The following ATP1A3 variants were observed in gnomAD, a reference collection of about 807,000 sequenced individuals.
ATP1A3 encodes ATPase Na+/K+ transporting subunit alpha 3.
In ATP1A3, 12 loss-of-function variants were observed where a neutral mutation model predicts 108.8. The observed-to-expected ratio is 0.11, with a 90% CI of 0.07 to 0.18. ATP1A3 has a LOEUF of 0.18. Among genes scored for constraint, ATP1A3 ranks in the 10% least tolerant of loss-of-function variants. ATP1A3 has a pLI of 1.00. For missense variants in ATP1A3, 498 were observed against 1,387.7 expected (o/e 0.36, Z 10.19); for synonymous variants, 539 against 564.5 (o/e 0.95, Z 0.64).
At chr19:41,993,831 G>T in intron 1 of ATP1A3, 1 of 717,440 alleles carries the variant, frequency 1.4e-6, no homozygotes, top group Non-Finnish European at 2.3e-6. Flanking sequence ...AGATGCTGAG[G>T]GCTGGCCCAC....
rs1555865238 is a variant in ATP1A3, at chr19:41,985,872, C to T, written c.598G>A (p.Gly200Ser). ...PADLRIISAH[G>S]CKVDNSSLTG... Reference sequence around the variant, plus strand: ...CCTAGGCCCAGGCCCACCTTGCAGCCGTGGGCTGAGATGATCCGCAGGTCA... The same window carrying T: ...CCTAGGCCCAGGCCCACCTTGCAGCTGTGGGCTGAGATGATCCGCAGGTCA... The change falls in exon 6 of 23, where the codon GGC becomes AGC. Residue 200 changes from glycine to serine, a missense_variant. Coordinates refer to ENST00000648268, the MANE Select transcript of ATP1A3 (RefSeq NM_152296.5). This position sits in a 1 kb window ranked among gnomAD's most constrained non-coding sequence, Gnocchi z 8.2. 3.1e-6 allele frequency: 5 copies of T among 1,613,912 alleles called. No homozygotes were observed. Among genetic ancestry groups the T allele is most frequent in the Admixed American group, 3.3e-5 (2 of 59,998 alleles).
At chr19:41,971,439 A>G (rs1220366839) in intron 16 of ATP1A3, among the ~76,000 whole-genome samples, 1 of 152,200 alleles carries the variant, frequency 6.6e-6, no homozygotes, top group African/African-American at 2.4e-5. Flanking sequence ...TGCCCAGCGA[A>G]AAGCAAGTAC....
At chr19:41,989,059 C>T (rs1184494897) in intron 1 of ATP1A3, among the ~76,000 whole-genome samples, 1 of 152,110 alleles carries the variant, frequency 6.6e-6, no homozygotes, top group Non-Finnish European at 1.5e-5. Context: ...CCCGCCTCCG[C>T]CTCCTGTGTA....
Position 41,976,461 on chromosome 19 carries a change from T to C in ATP1A3, c.2049A>G (p.Thr683=), listed in dbSNP as rs781828729. 1 of 1,614,154 alleles carries C rather than the reference T, an allele frequency of 6.2e-7. No homozygotes were observed. The highest frequency in any genetic ancestry group is 8.5e-7 in the Non-Finnish European group (1 of 1,180,038). Reference sequence around the variant, plus strand: ...CAATGATGAGCTTCTGCTGGGGGGATGTGCGGGCGAAGACGATCTCGGTGT... The same window carrying C: ...CAATGATGAGCTTCTGCTGGGGGGACGTGCGGGCGAAGACGATCTCGGTGT... The part of the protein sequence containing the change: ...QNHTEIVFAR[T]SPQQKLIIVE... The change falls in exon 15 of 23, where the codon ACA becomes ACG. Residue 683 remains threonine (T), a synonymous_variant. Transcript: ENST00000648268.
At chr19:41,970,040 C>T (rs1033414224) in intron 18 of ATP1A3, 145 bp downstream of exon 18, 5 of 1,278,780 alleles carry the variant, frequency 3.9e-6, no homozygotes, top group Non-Finnish European at 5.5e-6. Flanking sequence ...GGGGTGCAGA[C>T]CCCCCCCACA....
chr19:41,980,779 C>T (rs1404557770), intron 11 of ATP1A3, among the ~76,000 whole-genome samples: 4 of 151,868 alleles, frequency 2.6e-5, no homozygotes, highest in East Asian at 1.9e-4. Flanking sequence ...GGCATGGTGG[C>T]GGGCGCCTGT....
chr19:41,980,902 C>G (rs1555863090), intron 11 of ATP1A3, among the ~76,000 whole-genome samples: 1 of 150,954 alleles, frequency 6.6e-6, no homozygotes. Context: ...CAGAGCGAAA[C>G]TCTGTCTCAA....
At chr19:41,972,847 A>C (rs1555860215) in intron 16 of ATP1A3, among the ~76,000 whole-genome samples, 6 of 137,726 alleles carry the variant, frequency 4.4e-5, no homozygotes, top group African/African-American at 1.7e-4. Flanking sequence ...GGAAGGAAGG[A>C]AGGAAGGAAG....
intron 4 of ATP1A3, among the ~76,000 whole-genome samples, chr19:41,987,006 G>T (rs1318127165): frequency 1.3e-5 from 2 of 151,928 alleles, no homozygotes; most frequent in African/African-American, 4.8e-5. Context: ...GGCCTCCCAA[G>T]GTGCTGGGAT....
chr19:41,992,033 A>G (rs1281153015), intron 1 of ATP1A3, among the ~76,000 whole-genome samples: 8 of 52,488 alleles, frequency 1.5e-4, no homozygotes, highest in Non-Finnish European at 2.2e-4. Context: ...GGACTCCTGG[A>G]TCTGAGGGAG....
intron 1 of ATP1A3, chr19:41,993,052 C>T (rs1486789701): frequency 5.3e-6 from 1 of 188,908 alleles, no homozygotes; most frequent in African/African-American, 2.4e-5. Flanking sequence ...CATCCCCCAC[C>T]TCCATCCCTG....
At chr19:41,970,583 G>GA (rs782763414) in intron 16 of ATP1A3, 41 bp from the exon 17 acceptor site, 4 of 1,612,534 alleles carry the variant, frequency 2.5e-6, no homozygotes, top group Non-Finnish European at 3.4e-6. Flanking sequence ...CCATGCCAGG[G>GA]AGCCCCACTC....
At position 41,992,341 on chromosome 19, in the gene ATP1A3, C is replaced by T. The variant is rs568336212; in HGVS notation, c.6+1730G>A. ...TCAAGGCAGGAGGCCCAGATGGGCG[C>T]GCTGCGGGGTGGGAGCACCTCCAAG... On this transcript the variant is annotated intron_variant, in intron 1 of 22. Coordinates refer to ENST00000648268, the MANE Select transcript of ATP1A3 (RefSeq NM_152296.5). Among the ~76,000 whole-genome samples, 15 of 152,232 alleles carry T rather than the reference C, an allele frequency of 9.9e-5. No individual in the cohort carries two copies. The East Asian group carries it at 1.9e-3, about 20-fold the overall frequency.
chr19:41,967,436 G>A lies in ATP1A3; in HGVS notation c.2922-96C>T, dbSNP rs2075055491. On this transcript the variant is annotated intron_variant, in intron 21 of 22. Coordinates refer to ENST00000648268, the MANE Select transcript of ATP1A3 (RefSeq NM_152296.5). The surrounding 1 kb of genome is among the most constrained non-coding windows in gnomAD (Gnocchi z 4.2). ...GGGACGCAGAGGGGCAGTCTCCCAG[G>A]ATCCTTCGTGCTCACAGGTGGAGGG... 4 of 1,407,112 alleles carry A rather than the reference G, an allele frequency of 2.8e-6. No homozygotes were observed. In the East Asian group the frequency reaches 9.6e-5, roughly 34 times the overall value. The allele number at this position is 1,407,112 out of a possible 1,614,324, so 87.2% of individuals were successfully genotyped here. A position where few individuals can be genotyped will look rare whatever the true frequency, so the allele number is the denominator to read the frequency against.
chr19:41,978,192 C>T lies in ATP1A3; in HGVS notation c.1765G>A (p.Val589Ile). The T allele has an allele frequency of 6.2e-7, 1 of 1,614,230 alleles. No individual in the cohort carries two copies. Among genetic ancestry groups the T allele is most frequent in the Non-Finnish European group, 8.5e-7 (1 of 1,180,038 alleles). Residue 589 changes from valine to isoleucine, a missense_variant, in exon 13 of 23, where the codon GTC (valine) becomes ATC (isoleucine). Physicochemically the swap from Val to Ile is conservative, Grantham distance 29. Coordinates refer to ENST00000648268, the MANE Select transcript of ATP1A3 (RefSeq NM_152296.5). This position sits in a 1 kb window ranked among gnomAD's most constrained non-coding sequence, Gnocchi z 8.3. The stretch of plus-strand genomic sequence containing the variant: ...CGACACTTGCCCACCGCGTCAGGGA[C>T]GGCTGCCCGGGGTGGGTCGATCATG... ...MSMIDPPRAAVPDAVGKCRSA... is the reference protein window; with the variant it reads ...MSMIDPPRAAIPDAVGKCRSA...
At chr19:41,991,138 G>A (rs1461447160) in intron 1 of ATP1A3, among the ~76,000 whole-genome samples, 4 of 152,286 alleles carry the variant, frequency 2.6e-5, no homozygotes, top group Non-Finnish European at 4.4e-5. Flanking sequence ...GAGGGGTGGG[G>A]CGAGGCTGGG....
chr19:41,967,504 G>A lies in ATP1A3; in HGVS notation c.2921+158C>T, dbSNP rs1305072183. Among the ~76,000 whole-genome samples the A allele has an allele frequency of 4.6e-5, 7 of 151,988 alleles. No individual in the cohort carries two copies. The highest frequency in any genetic ancestry group is 1.9e-4 in the East Asian group (1 of 5,182). On this transcript the variant is annotated intron_variant, in intron 21 of 22. Coordinates refer to ENST00000648268, the MANE Select transcript of ATP1A3 (RefSeq NM_152296.5). The surrounding 1 kb of genome is among the most constrained non-coding windows in gnomAD (Gnocchi z 4.2). ...GGGCCTGGGGTCTTCGGAGTAATCC[G>A]TGGTGGGAGCAGCCTATGGGGGAGG...
intron 1 of ATP1A3, among the ~76,000 whole-genome samples, chr19:41,992,118 G>A (rs1258775176): frequency 1.3e-5 from 2 of 149,138 alleles, no homozygotes; most frequent in Non-Finnish European, 3.0e-5. Context: ...AGGGAAGAGG[G>A]GCTGGGGCCT....
chr19:41,994,194 C>A lies in ATP1A3; in HGVS notation c.-118G>T. ...CCCGCGCCTCGGTAGGTGCGCGCGT[C>A]CGTCCGTCCGTCCGTTGGTCCCACC... On this transcript the variant is annotated 5_prime_UTR_variant, in exon 1 of 23. Coordinates refer to ENST00000648268, the MANE Select transcript of ATP1A3 (RefSeq NM_152296.5). The A allele has an allele frequency of 1.2e-6, 1 of 848,130 alleles. No homozygotes were observed. The highest frequency in any genetic ancestry group is 1.7e-6 in the Non-Finnish European group (1 of 599,064). The allele number at this position is 848,130 out of a possible 1,614,324, so 52.5% of individuals were successfully genotyped here. A position where few individuals can be genotyped will look rare whatever the true frequency, so the allele number is the denominator to read the frequency against.
Sources: allele counts gnomAD v4.1 joint callset (sites outside exome capture counted in the v4.1 genomes callset), GRCh38; gene constraint gnomAD v4.1.1; non-coding constraint Gnocchi (gnomAD v3.1); transcripts MANE v1.5; gene names NCBI Gene and HGNC (gene_info 2026-07-23, HGNC 2026-07-21).